Variants in ITCH observed in about 807,000 individuals in gnomAD.
The protein encoded by ITCH is itchy E3 ubiquitin protein ligase.
In ITCH, 28 loss-of-function variants were observed where a neutral mutation model predicts 126.8. The observed-to-expected ratio is 0.22, with a 90% CI of 0.16 to 0.30. The LOEUF (loss-of-function observed/expected upper bound fraction) is 0.30, where lower values mean the gene tolerates loss of function less well. Ranked by LOEUF, ITCH falls within the 10% of genes least tolerant of loss-of-function variation. The pLI, the probability that ITCH is intolerant of heterozygous loss-of-function variation, is 1.00. For synonymous variants in ITCH, 342 were observed against 340.0 expected (o/e 1.01, Z -0.06); for missense variants, 631 against 1,032.4 (o/e 0.61, Z 5.33).
At chr20:34,389,552 CTG>C (rs924096321) in intron 2 of ITCH, among the ~76,000 whole-genome samples, 6 of 152,042 alleles carry the variant, frequency 3.9e-5, no homozygotes, top group African/African-American at 1.4e-4. Flanking sequence ...AAAAGATTAA[CTG>C]TAAGAAAATG....
chr20:34,374,732 A>ATTT (rs200015917), intron 2 of ITCH, among the ~76,000 whole-genome samples: 1 of 140,062 alleles, frequency 7.1e-6, no homozygotes, highest in Non-Finnish European at 1.6e-5. Flanking sequence ...TTGGCTTACA[A>ATTT]TTTTTTTTTT....
rs192206139 is a variant in ITCH at position 34,367,811 on chromosome 20, T to G, written c.-98-1583T>G. On this transcript the variant is annotated intron_variant, in intron 1 of 24. Coordinates refer to ENST00000374864, the MANE Select transcript of ITCH (RefSeq NM_031483.7). ...GGGTTTTGCAACTCTGGGACTGGTA[T>G]TCTCTGGTTTACAAAGATCAATGTG... 5.0e-3 allele frequency among the ~76,000 whole-genome samples: 757 copies of G among 152,304 alleles called. 45 individuals carry two copies. The highest frequency in any genetic ancestry group is 0.048 in the Admixed American group (732 of 15,272).
At chr20:34,477,552 C>T (rs1375684989) in intron 16 of ITCH, among the ~76,000 whole-genome samples, 4 of 151,822 alleles carry the variant, frequency 2.6e-5, no homozygotes, top group Non-Finnish European at 5.9e-5. Flanking sequence ...AATAAAATCA[C>T]GTGTATAAGG....
intron 2 of ITCH, among the ~76,000 whole-genome samples, chr20:34,381,918 G>C (rs1043272485): frequency 2.7e-5 from 4 of 150,880 alleles, no homozygotes; most frequent in Non-Finnish European, 2.9e-5. Flanking sequence ...TTTCTCAATT[G>C]TTTTCTTTAA....
At chr20:34,469,973 G>T (rs1004659899) in intron 14 of ITCH, 75 bp from the exon 15 acceptor site, 2 of 1,066,974 alleles carry the variant, frequency 1.9e-6, no homozygotes, top group Non-Finnish European at 1.5e-6. Flanking sequence ...AGAGAGGGTG[G>T]GATATTTTGC....
chr20:34,426,736 C>CCTATAGATATA, intron 7 of ITCH, among the ~76,000 whole-genome samples: 1 of 151,784 alleles, frequency 6.6e-6, no homozygotes, highest in East Asian at 1.9e-4. Context: ...TAGGCATAAG[C>CCTATAGATATA]TGCCATGCCT....
At chr20:34,496,204 A>G (rs1268142909) in intron 23 of ITCH, among the ~76,000 whole-genome samples, 1 of 152,082 alleles carries the variant, frequency 6.6e-6, no homozygotes, top group Admixed American at 6.6e-5. Context: ...ATGATAGTTC[A>G]TTGTGGTTTT....
intron 3 of ITCH, among the ~76,000 whole-genome samples, chr20:34,406,832 C>A (rs2039075660): frequency 6.6e-6 from 1 of 152,200 alleles, no homozygotes; most frequent in South Asian, 2.1e-4. Context: ...CCGCACCCGG[C>A]TATATTAAGC....
intron 20 of ITCH, among the ~76,000 whole-genome samples, chr20:34,485,735 T>TA (rs138706171): frequency 1.3e-5 from 2 of 152,268 alleles, no homozygotes; most frequent in African/African-American, 4.8e-5. Context: ...GAGGCTGAAA[T>TA]ACAGTGGCAC....
chr20:34,431,170 T>C (rs1484324597), intron 7 of ITCH, among the ~76,000 whole-genome samples: 1 of 152,116 alleles, frequency 6.6e-6, no homozygotes, highest in East Asian at 1.9e-4. Flanking sequence ...CCCAGTGCTT[T>C]TTGGGAGGCC....
chr20:34,373,537 A>C (rs901206865), intron 2 of ITCH, among the ~76,000 whole-genome samples: 6 of 152,080 alleles, frequency 3.9e-5, no homozygotes, highest in African/African-American at 1.4e-4. Context: ...TGGCCTCCCA[A>C]AGTGCTGGAA....
intron 6 of ITCH, among the ~76,000 whole-genome samples, chr20:34,419,881 G>A (rs541848183): frequency 3.9e-4 from 60 of 151,956 alleles, no homozygotes; most frequent in African/African-American, 1.3e-3. Flanking sequence ...TGAATGTACC[G>A]GGTTTTAAGA....
intron 2 of ITCH, among the ~76,000 whole-genome samples, chr20:34,373,399 C>T (rs2037715578): frequency 6.6e-6 from 1 of 151,938 alleles, no homozygotes; most frequent in South Asian, 2.1e-4. Context: ...CCTCAGCCTC[C>T]TGGGTAGCTG....
chr20:34,503,870 G>GTTTTTTGTTTTTTTTT (rs1990433697), intron 23 of ITCH, among the ~76,000 whole-genome samples: 1 of 56,052 alleles, frequency 1.8e-5, no homozygotes, highest in Non-Finnish European at 3.8e-5. Flanking sequence ...TTTTTTTTTG[G>GTTTTTTGTTTTTTTTT]TTTTTTTTTT....
intron 16 of ITCH, chr20:34,476,388 C>T: frequency 7.9e-7 from 1 of 1,271,896 alleles, no homozygotes; most frequent in Non-Finnish European, 9.9e-7. Flanking sequence ...CAGCGCGGGA[C>T]CCGGCGTGGT....
At chr20:34,455,039 A>C (rs1017733858) in intron 12 of ITCH, among the ~76,000 whole-genome samples, 7 of 151,874 alleles carry the variant, frequency 4.6e-5, no homozygotes. Flanking sequence ...CCTGTTGGCC[A>C]CGCTGGTCTC....
At chr20:34,415,936 A>G (rs566526803) in intron 6 of ITCH, among the ~76,000 whole-genome samples, 84 of 151,536 alleles carry the variant, frequency 5.5e-4, no homozygotes, top group African/African-American at 2.0e-3. Context: ...AGCCTGGCCA[A>G]CATGGTGAAA....
intron 21 of ITCH, among the ~76,000 whole-genome samples, 187 bp downstream of exon 21, chr20:34,489,573 C>T (rs1220767524): frequency 6.6e-6 from 1 of 152,016 alleles, no homozygotes; most frequent in Non-Finnish European, 1.5e-5. Flanking sequence ...TAGTATTACC[C>T]CCTCCAAAGT....
chr20:34,424,516 A>G lies in ITCH; in HGVS notation c.512A>G (p.Asp171Gly), dbSNP rs1274835131. The G allele has an allele frequency of 3.1e-6, 5 of 1,613,140 alleles. No homozygotes were observed. The highest frequency in any genetic ancestry group is 1.1e-5 in the South Asian group (1 of 91,060). Reference sequence around the variant, plus strand: ...AATGATGATGGCTCCAGATCCAAGGATGAAACAAGGTAAGCATTCACTGAT... The same window carrying G: ...AATGATGATGGCTCCAGATCCAAGGGTGAAACAAGGTAAGCATTCACTGAT... ...SQNDDGSRSK[D>G]ETRVSTNGSD... The change falls in exon 7 of 25, where the codon GAT (aspartate) becomes GGT (glycine). Residue 171 changes from aspartate to glycine, a missense_variant. Around this residue, in one of 4 missense-constraint regions of ITCH, gnomAD observed 220 missense variants for 265.7 expected, o/e 0.83. Coordinates refer to ENST00000374864, the MANE Select transcript of ITCH (RefSeq NM_031483.7).
Sources: allele counts gnomAD v4.1 joint callset (sites outside exome capture counted in the v4.1 genomes callset), GRCh38; gene constraint gnomAD v4.1.1; regional missense constraint gnomAD v4.1.1; transcripts MANE v1.5; gene names NCBI Gene and HGNC (gene_info 2026-07-23, HGNC 2026-07-21).